Variants in LY6S observed in about 807,000 individuals in gnomAD.
LY6S encodes the protein lymphocyte antigen 6 family member S.
At chr8:143,057,835 C>T in the LY6S span, 1 of 746,538 alleles carries the variant, frequency 1.3e-6, no homozygotes, top group Admixed American at 1.8e-5. Flanking sequence ...CTTTTCGGCT[C>T]CTGCAGCTGG....
the LY6S span, chr8:143,054,325 AAGAG>A: frequency 2.7e-5 from 4 of 150,472 alleles, no homozygotes; most frequent in African/African-American, 9.8e-5. Context: ...AAAAAAAAAA[AAGAG>A]AGAGAACTAC....
chr8:143,063,563 G>T, the LY6S span, among the ~76,000 whole-genome samples: 3 of 152,140 alleles, frequency 2.0e-5, no homozygotes, highest in African/African-American at 7.2e-5. Flanking sequence ...TTTTCTGTTG[G>T]TTACCAGGTT....
chr8:143,075,144 T>G, the LY6S span, among the ~76,000 whole-genome samples: 2 of 152,246 alleles, frequency 1.3e-5, no homozygotes, highest in Middle Eastern at 3.2e-3. The surrounding 1 kb of genome is among the most constrained non-coding windows in gnomAD (Gnocchi z 4.1). Context: ...TCTTTTTTCC[T>G]TATTCAGTCT....
At chr8:143,070,489 ATTTTTTT>A in the LY6S span, among the ~76,000 whole-genome samples, 1 of 81,708 alleles carries the variant, frequency 1.2e-5, no homozygotes, top group Non-Finnish European at 2.0e-5. Flanking sequence ...ATATATATAT[ATTTTTTT>A]TTTTTTTTGA....
At chr8:143,062,808 AATGATGATGATG>A in the LY6S span, among the ~76,000 whole-genome samples, 3 of 151,902 alleles carry the variant, frequency 2.0e-5, no homozygotes, top group East Asian at 3.8e-4. Context: ...GGGTATCAGG[AATGATGATGATG>A]ATGATGATGA....
chr8:143,057,546 C>A, the LY6S span: 1 of 1,056,590 alleles, frequency 9.5e-7, no homozygotes, highest in Non-Finnish European at 1.4e-6. Context: ...CTGCGCCTGG[C>A]TGCCTTTAGT....
the LY6S span, chr8:143,057,595 A>G: frequency 7.7e-7 from 1 of 1,297,946 alleles, no homozygotes; most frequent in Non-Finnish European, 1.1e-6. Flanking sequence ...CCTCATGCTG[A>G]ATGAGAGGGT....
the LY6S span, among the ~76,000 whole-genome samples, chr8:143,051,434 G>A: frequency 2.0e-5 from 3 of 151,980 alleles, no homozygotes; most frequent in Non-Finnish European, 4.4e-5. Context: ...CCAGCTACTC[G>A]GGAGGCTGAG....
the LY6S span, among the ~76,000 whole-genome samples, chr8:143,074,718 C>T: frequency 6.6e-6 from 1 of 152,148 alleles, no homozygotes; most frequent in Non-Finnish European, 1.5e-5. Context: ...GCATCTGCTT[C>T]TATTGAATAG....
At chr8:143,045,862 T>A in the LY6S span, among the ~76,000 whole-genome samples, 9 of 151,724 alleles carry the variant, frequency 5.9e-5, no homozygotes, top group Admixed American at 4.6e-4. This position sits in a 1 kb window ranked among gnomAD's most constrained non-coding sequence, Gnocchi z 5.3. Context: ...TACTCATTTT[T>A]TTTTTTCTTT....
the LY6S span, chr8:143,065,787 C>CTTTCTTTCTT: frequency 1.2e-5 from 1 of 81,212 alleles, no homozygotes; most frequent in East Asian, 5.1e-4. Context: ...CTTTCTTTTT[C>CTTTCTTTCTT]TTTCTTTCTT....
At chr8:143,068,065 C>T in the LY6S span, among the ~76,000 whole-genome samples, 1 of 152,182 alleles carries the variant, frequency 6.6e-6, no homozygotes, top group Non-Finnish European at 1.5e-5. Context: ...GATGTAAGGT[C>T]TTTCCTTTCC....
the LY6S span, chr8:143,066,515 T>A: frequency 3.6e-6 from 1 of 276,214 alleles, no homozygotes; most frequent in Non-Finnish European, 7.2e-6. Context: ...CAGGCACCAT[T>A]CGTGCAGCGA....
chr8:143,052,057 A>G, the LY6S span, among the ~76,000 whole-genome samples: 1 of 151,980 alleles, frequency 6.6e-6, no homozygotes, highest in Non-Finnish European at 1.5e-5. Flanking sequence ...TGAGGCGGGC[A>G]GATCACGAGG....
At chr8:143,048,069 T>C in the LY6S span, 1 of 152,248 alleles carries the variant, frequency 6.6e-6, no homozygotes, top group Non-Finnish European at 1.5e-5. Context: ...CCAACGTTTC[T>C]GGTGCTGTGA....
At chr8:143,062,975 G>A in the LY6S span, among the ~76,000 whole-genome samples, 1 of 152,206 alleles carries the variant, frequency 6.6e-6, no homozygotes, top group African/African-American at 2.4e-5. Flanking sequence ...TGACAGCTTG[G>A]TATTGGCAAA....
the LY6S span, among the ~76,000 whole-genome samples, chr8:143,073,855 G>C: frequency 8.9e-6 from 1 of 112,926 alleles, no homozygotes; most frequent in African/African-American, 3.9e-5. Flanking sequence ...GTCCCTGTTT[G>C]AGGAGACAGC....
chr8:143,046,539 C>T, the LY6S span, among the ~76,000 whole-genome samples: 1 of 147,418 alleles, frequency 6.8e-6, no homozygotes. Flanking sequence ...GATTGCGCCA[C>T]TACACTCCAG....
chr8:143,050,209 T>G, the LY6S span, among the ~76,000 whole-genome samples: 1 of 137,254 alleles, frequency 7.3e-6, no homozygotes, highest in African/African-American at 2.8e-5. Context: ...TGAGACGGAG[T>G]CTTGCTCTGT....
Sources: gnomAD v4.1 joint callset for allele counts (sites outside exome capture counted in the v4.1 genomes callset) on GRCh38, gnomAD v4.1.1 for gene constraint, Gnocchi (gnomAD v3.1) non-coding constraint, MANE v1.5 for transcripts, NCBI Gene and HGNC (gene_info 2026-07-23, HGNC 2026-07-21) for gene names.